Variants in EIF4B observed in about 807,000 individuals in gnomAD.
EIF4B encodes eukaryotic translation initiation factor 4B.
Under a neutral mutation model 79.3 loss-of-function variants are expected in EIF4B, and 8 were observed. The observed-to-expected ratio is 0.10, with a 90% CI of 0.06 to 0.18. EIF4B has a LOEUF of 0.18. Ranked by LOEUF, EIF4B falls within the 10% of genes least tolerant of loss-of-function variation. EIF4B has a pLI of 1.00. For missense variants in EIF4B, 515 were observed against 792.4 expected (o/e 0.65, Z 4.20); for synonymous variants, 238 against 274.7 (o/e 0.87, Z 1.32).
rs1303988905 is a variant in EIF4B, at chr12:53,034,699, A to G, written c.1296A>G (p.Thr432=). The G allele has an allele frequency of 6.2e-7, 1 of 1,614,056 alleles. No homozygotes were observed. Among genetic ancestry groups the G allele is most frequent in the East Asian group, 2.2e-5 (1 of 44,884 alleles). ...SESSQTGTST[T]SSRNARRRES... ...CATCACAAACTGGGACCTCCACCAC[A>G]TCTAGCAGAAGTAAGTCAGACCAGG... is the stretch of plus-strand genomic sequence containing the variant. Residue 432 remains threonine (T), a synonymous_variant, in exon 10 of 15, where the codon ACA becomes ACG. Coordinates refer to ENST00000262056, the MANE Select transcript of EIF4B (RefSeq NM_001417.7).
intron 1 of EIF4B, among the ~76,000 whole-genome samples, chr12:53,010,124 G>C (rs910940750): frequency 6.6e-6 from 1 of 152,200 alleles, no homozygotes; most frequent in African/African-American, 2.4e-5. Flanking sequence ...AGCATGGCAT[G>C]CATTGGGCAC....
rs1332152700 is a variant in EIF4B at position 53,041,106 on chromosome 12, A to G, written c.*883A>G. ...TATCCACATTCTATTGAAACCTTGA[A>G]ACTAAAAATTTAGACTCTTATCATC... On this transcript the variant is annotated 3_prime_UTR_variant, in exon 15 of 15. Coordinates refer to ENST00000262056, the MANE Select transcript of EIF4B (RefSeq NM_001417.7). 1 of 152,172 alleles carries G rather than the reference A, an allele frequency of 6.6e-6. No homozygotes were observed. The highest frequency in any genetic ancestry group is 1.5e-5 in the Non-Finnish European group (1 of 68,036). 9.4% of individuals were successfully genotyped at this position (152,172 alleles called of 1,614,324 possible). A position where few individuals can be genotyped will look rare whatever the true frequency, so the allele number is the denominator to read the frequency against.
At chr12:53,015,104 G>A (rs1943128033) in intron 1 of EIF4B, among the ~76,000 whole-genome samples, 1 of 152,052 alleles carries the variant, frequency 6.6e-6, no homozygotes, top group South Asian at 2.1e-4. Context: ...TGTTGTTATA[G>A]TAGAGGAGGA....
chr12:53,028,812 T>C (rs540160112), intron 8 of EIF4B, among the ~76,000 whole-genome samples: 1 of 152,184 alleles, frequency 6.6e-6, no homozygotes, highest in East Asian at 1.9e-4. Context: ...TAGCCCATAA[T>C]TGGTACTATG....
intron 4 of EIF4B, among the ~76,000 whole-genome samples, chr12:53,020,567 T>C (rs565789286): frequency 9.9e-5 from 15 of 152,152 alleles, no homozygotes; most frequent in Non-Finnish European, 1.9e-4. Flanking sequence ...TCCCAGGACT[T>C]GAGGGGCTTA....
At position 53,035,987 on chromosome 12, in the gene EIF4B, T is replaced by TTTTTGTATTTTTAATAGAGACGCAGA. The variant is rs1555154247; in HGVS notation, c.1306+1281_1306+1282insTGTATTTTTAATAGAGACGCAGATTT. On this transcript the variant is annotated intron_variant, in intron 10 of 14. Coordinates refer to ENST00000262056, the MANE Select transcript of EIF4B (RefSeq NM_001417.7). ...TGAGCGCCACCATGCCCGACTAATT[T>TTTTTGTATTTTTAATAGAGACGCAGA]TTTGAACGGGCTGGTCTCAAACTCC... is the stretch of plus-strand genomic sequence containing the variant. Among the ~76,000 whole-genome samples the TTTTTGTATTTTTAATAGAGACGCAGA allele has an allele frequency of 8.0e-5, 12 of 150,776 alleles. No individual in the cohort carries two copies. The East Asian group carries it at 2.2e-3, about 27-fold the overall frequency.
chr12:53,035,367 AT>A (rs1411041174), intron 10 of EIF4B, among the ~76,000 whole-genome samples: 2 of 146,966 alleles, frequency 1.4e-5, no homozygotes, highest in Non-Finnish European at 1.5e-5. Context: ...TTTTTTATTT[AT>A]TTATTTTCTT....
rs6580925 is a variant in EIF4B at position 53,025,872 on chromosome 12, C to T, written c.668-1910C>T. On this transcript the variant is annotated intron_variant, in intron 6 of 14. Transcript: ENST00000262056. ...CCTGTAATCCCAGCACTTTGGGAGG[C>T]GGAGGCGGGCGGATCATGAGGTCAG... Among the ~76,000 whole-genome samples the T allele has an allele frequency of 5.7e-3, 872 of 152,102 alleles. 10 individuals carry two copies. The highest frequency in any genetic ancestry group is 0.02 in the African/African-American group (830 of 41,482).
intron 8 of EIF4B, among the ~76,000 whole-genome samples, chr12:53,029,375 TTA>T (rs149270121): frequency 0.73 from 96,793 of 132,992 alleles, 35,583 homozygotes; most frequent in East Asian, 0.93. Flanking sequence ...TTTTTTTATT[TTA>T]TTTTTTTTTT....
At position 53,034,693 on chromosome 12, in the gene EIF4B, C is replaced by T; in HGVS notation, c.1290C>T (p.Ser430=). The T allele has an allele frequency of 1.9e-6, 3 of 1,613,994 alleles. No individual in the cohort carries two copies. The highest frequency in any genetic ancestry group is 2.5e-6 in the Non-Finnish European group (3 of 1,179,888). Residue 430 remains serine (S), a synonymous_variant, in exon 10 of 15, where the codon TCC becomes TCT. Coordinates refer to ENST00000262056, the MANE Select transcript of EIF4B (RefSeq NM_001417.7). ...GTGAGTCATCACAAACTGGGACCTC[C>T]ACCACATCTAGCAGAAGTAAGTCAG... ...TGSESSQTGT[S]TTSSRNARRR...
At chr12:53,036,897 G>C (rs1943549900) in intron 10 of EIF4B, among the ~76,000 whole-genome samples, 1 of 152,128 alleles carries the variant, frequency 6.6e-6, no homozygotes, top group Non-Finnish European at 1.5e-5. Context: ...TGTTGTCCAG[G>C]CTGGTCTGAA....
At position 53,016,698 on chromosome 12, in the gene EIF4B, G is replaced by C. The variant is rs905004390; in HGVS notation, c.151+88G>C. 10 of 1,474,206 alleles carry C rather than the reference G, an allele frequency of 6.8e-6. No individual in the cohort carries two copies. The African/African-American group carries it at 1.3e-4, about 19-fold the overall frequency. The allele number at this position is 1,474,206 out of a possible 1,614,324, so 91.3% of individuals were successfully genotyped here. A position where few individuals can be genotyped will look rare whatever the true frequency, so the allele number is the denominator to read the frequency against. On this transcript the variant is annotated intron_variant, in intron 2 of 14. Coordinates refer to ENST00000262056, the MANE Select transcript of EIF4B (RefSeq NM_001417.7). ...TAATAATTCACATCGTTTGTAATCT[G>C]AAAAGAACTTACTCATTTTTTAGCA...
At chr12:53,025,307 C>T (rs1015297191) in intron 6 of EIF4B, 9 of 450,374 alleles carry the variant, frequency 2.0e-5, no homozygotes, top group Admixed American at 1.2e-4. Context: ...CTTTTCTCAC[C>T]TGAAACCTTG....
intron 6 of EIF4B, among the ~76,000 whole-genome samples, chr12:53,027,213 A>G (rs969805132): frequency 7.8e-5 from 11 of 140,912 alleles, no homozygotes; most frequent in African/African-American, 2.6e-4. Flanking sequence ...ATCTCAGCGC[A>G]ACCTCCGCCT....
intron 1 of EIF4B, among the ~76,000 whole-genome samples, chr12:53,008,961 G>C (rs1413968447): frequency 6.6e-6 from 1 of 152,116 alleles, no homozygotes; most frequent in Non-Finnish European, 1.5e-5. Context: ...CTTCAATCTG[G>C]GAGGGGGAGA....
chr12:53,030,419 T>TTTTTTTTTTTTTTTTTTTTG (rs1943417886), intron 8 of EIF4B, among the ~76,000 whole-genome samples: 1 of 65,850 alleles, frequency 1.5e-5, no homozygotes, highest in Non-Finnish European at 2.9e-5. Context: ...TATTCTTTTT[T>TTTTTTTTTTTTTTTTTTTTG]TTTTTTTTTT....
Position 53,016,628 on chromosome 12 carries a change from A to G in EIF4B, c.151+18A>G. On this transcript the variant is annotated intron_variant, in intron 2 of 14. Transcript: ENST00000262056. ...AGGAGATGGTAACTTTTCTTTTGTCATCGTGTTTGGAATGTTTATTATTTT... is the reference window on the plus strand; with the variant it reads ...AGGAGATGGTAACTTTTCTTTTGTCGTCGTGTTTGGAATGTTTATTATTTT... The G allele has an allele frequency of 3.2e-6, 5 of 1,559,348 alleles. No individual in the cohort carries two copies. The highest frequency in any genetic ancestry group is 1.4e-5 in the African/African-American group (1 of 72,500).
At chr12:53,027,137 A>ATTTTTTTTTTTTTTT (rs71095967) in intron 6 of EIF4B, among the ~76,000 whole-genome samples, 38 of 25,728 alleles carry the variant, frequency 1.5e-3, no homozygotes, top group African/African-American at 2.7e-3. Flanking sequence ...AAAAAAAAAA[A>ATTTTTTTTTTTTTTT]TTTTTTTTTT....
At chr12:53,009,911 T>C (rs1291609459) in intron 1 of EIF4B, among the ~76,000 whole-genome samples, 1 of 152,242 alleles carries the variant, frequency 6.6e-6, no homozygotes, top group African/African-American at 2.4e-5. Context: ...GAATTCTCTT[T>C]TCGTGATGGT....
Sources: allele counts gnomAD v4.1 joint callset (sites outside exome capture counted in the v4.1 genomes callset), GRCh38; gene constraint gnomAD v4.1.1; transcripts MANE v1.5; gene names NCBI Gene and HGNC (gene_info 2026-07-23, HGNC 2026-07-21).